Variants in LSP1 observed in about 807,000 individuals in gnomAD.
LSP1 encodes lymphocyte specific protein 1.
A neutral mutation model predicts 49.3 loss-of-function variants in LSP1; 32 were observed. That is an observed-to-expected ratio of 0.65 (90% CI 0.49 to 0.87). LSP1 has a LOEUF of 0.87. Among genes scored for constraint, LSP1 ranks in the 40% least tolerant of loss-of-function variants. The pLI is 0.00. For missense variants in LSP1, 428 were observed against 442.6 expected, an observed-to-expected ratio of 0.97 and a Z score of 0.30; for synonymous variants, 179 against 178.8, an observed-to-expected ratio of 1.00 and a Z score of -0.01.
intron 1 of LSP1, 63 bp from the exon 2 acceptor site, chr11:1,880,024 A>G: frequency 6.4e-7 from 1 of 1,571,020 alleles, no homozygotes; most frequent in Non-Finnish European, 8.6e-7. Context: ...AGATGGGAGG[A>G]ATGGGTGCAA....
chr11:1,877,272 G>A (rs557458467), intron 1 of LSP1, among the ~76,000 whole-genome samples: 104 of 152,246 alleles, frequency 6.8e-4, no homozygotes, highest in African/African-American at 2.2e-3. Context: ...GAGGGGGCCC[G>A]CATGACTCAT....
chr11:1,865,756 G>A (rs1326311392), intron 1 of LSP1, among the ~76,000 whole-genome samples: 1 of 151,654 alleles, frequency 6.6e-6, no homozygotes, highest in African/African-American at 2.4e-5. Context: ...AAAATGAAGG[G>A]CCCATCCTCT....
intron 7 of LSP1, among the ~76,000 whole-genome samples, chr11:1,885,783 A>C (rs1848726710): frequency 6.6e-6 from 1 of 151,564 alleles, no homozygotes; most frequent in African/African-American, 2.4e-5. Context: ...TCCTCCATCC[A>C]ATCAGTGCTC....
chr11:1,889,203 T>A (rs1848879302), intron 10 of LSP1: 1 of 676,748 alleles, frequency 1.5e-6, no homozygotes, highest in African/African-American at 1.8e-5. Context: ...GGGGCTCAGC[T>A]CCAGGATGGA....
At position 1,884,118 on chromosome 11, in the gene LSP1, C is replaced by A. The variant is rs1463959145; in HGVS notation, c.591+94C>A. The A allele has an allele frequency of 1.4e-6, 2 of 1,465,270 alleles. No individual in the cohort carries two copies. Among genetic ancestry groups the A allele is most frequent in the East Asian group, 2.3e-5 (1 of 43,980 alleles). The allele number at this position is 1,465,270 out of a possible 1,614,324, so 90.8% of individuals were successfully genotyped here. The stretch of plus-strand genomic sequence containing the variant: ...CATGCCAGCCACAGGAAGACCAGGC[C>A]CAGGCCTGGCTTTTGTCTGCTATCC... On this transcript the variant is annotated intron_variant, in intron 5 of 10. Transcript: ENST00000311604. This position sits in a 1 kb window ranked among gnomAD's most constrained non-coding sequence, Gnocchi z 4.1.
At chr11:1,864,098 G>T in intron 1 of LSP1, 1 of 789,924 alleles carries the variant, frequency 1.3e-6, no homozygotes, top group Non-Finnish European at 1.5e-6. Context: ...GAGGGAGGAG[G>T]GAAGGAGGGA....
chr11:1,890,567 C>T (rs1448888320), intron 10 of LSP1: 24 of 710,072 alleles, frequency 3.4e-5, no homozygotes, highest in African/African-American at 2.1e-4. Flanking sequence ...GTGCCATCGA[C>T]GCAGCCGATA....
chr11:1,889,624 G>T, intron 10 of LSP1: 1 of 614,060 alleles, frequency 1.6e-6, no homozygotes, highest in South Asian at 1.9e-5. Flanking sequence ...GGGCCTGATG[G>T]TGGGGTAGGG....
At chr11:1,866,587 C>G in intron 1 of LSP1, 1 of 1,549,804 alleles carries the variant, frequency 6.5e-7, no homozygotes, top group African/African-American at 1.4e-5. Flanking sequence ...CCCAGCCTCC[C>G]CCTACCCCTG....
intron 1 of LSP1, chr11:1,864,049 A>G (rs1448090606): frequency 1.6e-5 from 3 of 182,106 alleles, no homozygotes; most frequent in East Asian, 6.6e-4. Flanking sequence ...GGAGCGGGGG[A>G]GAGGGGAGGA....
At chr11:1,890,278 C>T (rs1054375753) in intron 10 of LSP1, 12 of 710,948 alleles carry the variant, frequency 1.7e-5, no homozygotes, top group African/African-American at 3.5e-5. Flanking sequence ...CGGGGAGCCT[C>T]GGCGGGGCGT....
chr11:1,887,065 C>A (rs771954311), intron 8 of LSP1, among the ~76,000 whole-genome samples, 172 bp from the exon 9 acceptor site: 28 of 152,218 alleles, frequency 1.8e-4, no homozygotes, highest in Non-Finnish European at 3.5e-4. Flanking sequence ...AGGTAGATGG[C>A]ACCTTTATTC....
chr11:1,859,922 G>A (rs1847583578), intron 1 of LSP1, among the ~76,000 whole-genome samples: 1 of 152,166 alleles, frequency 6.6e-6, no homozygotes, highest in African/African-American at 2.4e-5. Flanking sequence ...GACCTCCCCT[G>A]TCCCCATGGG....
At chr11:1,858,574 G>A (rs1053514104) in intron 1 of LSP1, among the ~76,000 whole-genome samples, 3 of 152,190 alleles carry the variant, frequency 2.0e-5, no homozygotes, top group Non-Finnish European at 4.4e-5. Context: ...TTCCACATGC[G>A]CTGAGGCAGA....
At chr11:1,889,784 C>A (rs1019723336) in intron 10 of LSP1, 1 of 648,926 alleles carries the variant, frequency 1.5e-6, no homozygotes, top group Non-Finnish European at 2.8e-6. Context: ...CTATGGGCAC[C>A]ACAACCCTGG....
At chr11:1,886,314 C>A (rs979614922) in intron 7 of LSP1, among the ~76,000 whole-genome samples, 1 of 152,062 alleles carries the variant, frequency 6.6e-6, no homozygotes, top group Admixed American at 6.5e-5. Context: ...CTCCTCCATC[C>A]AATCAATATT....
intron 7 of LSP1, among the ~76,000 whole-genome samples, chr11:1,885,815 C>A (rs1848727973): frequency 6.6e-6 from 1 of 152,108 alleles, no homozygotes; most frequent in South Asian, 2.1e-4. Context: ...TAATGCCCCT[C>A]CATCCATACT....
rs557366141 is a variant in LSP1, at chr11:1,860,985, A to G, written c.53+7788A>G. ...AGATGGATACGTGGGTGGATATAACAAGAGATGAGTAGAAAGATAGATAGA... is the reference window on the plus strand; with the variant it reads ...AGATGGATACGTGGGTGGATATAACGAGAGATGAGTAGAAAGATAGATAGA... On this transcript the variant is annotated intron_variant, in intron 1 of 10. Coordinates refer to ENST00000311604, the MANE Select transcript of LSP1 (RefSeq NM_002339.3). 2.0e-5 allele frequency among the ~76,000 whole-genome samples: 3 copies of G among 152,326 alleles called. No individual in the cohort carries two copies. In the South Asian group the frequency reaches 6.2e-4, roughly 32 times the overall value.
At chr11:1,869,199 A>G (rs1589813025) in intron 1 of LSP1, 1 of 206,518 alleles carries the variant, frequency 4.8e-6, no homozygotes, top group Non-Finnish European at 9.4e-6. Context: ...CGGGTTGGGG[A>G]GGTATTGGTG....
Sources: allele counts gnomAD v4.1 joint callset (sites outside exome capture counted in the v4.1 genomes callset), GRCh38; gene constraint gnomAD v4.1.1; non-coding constraint Gnocchi (gnomAD v3.1); transcripts MANE v1.5; gene names NCBI Gene and HGNC (gene_info 2026-07-23, HGNC 2026-07-21).